PAPPA2: variants seen among roughly 807,000 people sequenced by gnomAD.
PAPPA2 encodes the protein pappalysin 2, also known as pappalysin-2.
In PAPPA2, 86 loss-of-function variants were observed where a neutral mutation model predicts 176.4. That is an observed-to-expected ratio of 0.49 (90% CI 0.41 to 0.58). The LOEUF (loss-of-function observed/expected upper bound fraction) is 0.58. PAPPA2 is among the 20% of genes least tolerant of loss of function. The pLI is 0.00. For missense variants in PAPPA2, 2,073 were observed against 2,256.9 expected (o/e 0.92, Z 1.65); for synonymous variants, 809 against 852.2 (o/e 0.95, Z 0.88).
rs978625300 is a variant in PAPPA2 at position 176,577,768 on chromosome 1, C to T, written c.920-16756C>T. On this transcript the variant is annotated intron_variant, in intron 2 of 22. Coordinates refer to ENST00000367662, the MANE Select transcript of PAPPA2 (RefSeq NM_020318.3). ...GAAGGCTGCACGTACATGTGTGGGA[C>T]GGCTACAGGCATAACATCCTGAGAG... 4.6e-5 allele frequency among the ~76,000 whole-genome samples: 7 copies of T among 152,126 alleles called. No homozygotes were observed. The South Asian group carries it at 6.2e-4, about 14-fold the overall frequency.
intron 17 of PAPPA2, among the ~76,000 whole-genome samples, chr1:176,773,642 A>G (rs1664328931): frequency 6.6e-6 from 1 of 152,216 alleles, no homozygotes; most frequent in Non-Finnish European, 1.5e-5. Flanking sequence ...TTTCTATCCA[A>G]CAATGTTGTT....
intron 1 of PAPPA2, among the ~76,000 whole-genome samples, chr1:176,549,524 C>T (rs147939674): frequency 7.3e-4 from 111 of 152,318 alleles, no homozygotes; most frequent in African/African-American, 2.6e-3. Context: ...ACTTGCCCAA[C>T]GTCAGGCAGC....
chr1:176,513,635 C>T (rs1648744744), intron 1 of PAPPA2, among the ~76,000 whole-genome samples: 1 of 152,152 alleles, frequency 6.6e-6, no homozygotes, highest in Admixed American at 6.6e-5. Context: ...TCTCTCATTC[C>T]ACAAATTTTT....
intron 3 of PAPPA2, among the ~76,000 whole-genome samples, chr1:176,656,196 G>A (rs928766828): frequency 6.6e-6 from 1 of 151,714 alleles, no homozygotes; most frequent in African/African-American, 2.4e-5. Flanking sequence ...TATTAATGCT[G>A]GAGATGAACT....
In PAPPA2 at chr1:176,695,859, G is replaced by T. The variant is rs1428656331; in HGVS notation, c.2746G>T (p.Gly916Trp). The change falls in exon 7 of 23, where the codon GGG becomes TGG. Residue 916 changes from glycine to tryptophan, a missense_variant and splice_region_variant. Gly to Trp is a radical substitution (Grantham distance 184). Coordinates refer to ENST00000367662, the MANE Select transcript of PAPPA2 (RefSeq NM_020318.3). ...SGYWTPEEAVGPPDVDQPCEP... is the reference protein window; with the variant it reads ...SGYWTPEEAVWPPDVDQPCEP... ...TTATTGGACCCCAGAGGAGGCTGTGGGTAAAGTACCATGACATTTTTTCTT... is the reference window on the plus strand; with the variant it reads ...TTATTGGACCCCAGAGGAGGCTGTGTGTAAAGTACCATGACATTTTTTCTT... 6.2e-7 allele frequency: 1 copy of T among 1,613,692 alleles called. No homozygotes were observed. Among genetic ancestry groups the T allele is most frequent in the Admixed American group, 1.7e-5 (1 of 59,996 alleles).
chr1:176,528,754 G>A (rs1234093224), intron 1 of PAPPA2, among the ~76,000 whole-genome samples: 1 of 152,130 alleles, frequency 6.6e-6, no homozygotes, highest in East Asian at 1.9e-4. Context: ...CAGGTCTACA[G>A]TCCATGATTT....
intron 3 of PAPPA2, among the ~76,000 whole-genome samples, chr1:176,644,610 TAGAG>T (rs1215915048): frequency 4.0e-5 from 6 of 151,742 alleles, no homozygotes; most frequent in Non-Finnish European, 7.4e-5. Context: ...GCACCATAGA[TAGAG>T]AAAGGGCTGG....
rs116072108 is a variant in PAPPA2, at chr1:176,674,989, G to A, written c.2137+3874G>A. On this transcript the variant is annotated intron_variant, in intron 4 of 22. Coordinates refer to ENST00000367662, the MANE Select transcript of PAPPA2 (RefSeq NM_020318.3). ...TTATGGCCTTTCTTGCAGGAGTAAT[G>A]TGGTATCTCATTGTGGTTTTGATAT... is the stretch of plus-strand genomic sequence containing the variant. Among the ~76,000 whole-genome samples, 868 of 152,050 alleles carry A rather than the reference G, an allele frequency of 5.7e-3. 4 individuals are homozygous for A. The highest frequency in any genetic ancestry group is 8.8e-3 in the Non-Finnish European group (598 of 67,952).
intron 5 of PAPPA2, among the ~76,000 whole-genome samples, chr1:176,691,868 C>G (rs974269390): frequency 3.3e-5 from 5 of 152,194 alleles, no homozygotes; most frequent in Non-Finnish European, 7.4e-5. Context: ...CTCAGAGCAA[C>G]CTGAGCTGCC....
At chr1:176,798,768 A>G (rs997710554) in intron 20 of PAPPA2, among the ~76,000 whole-genome samples, 1 of 152,210 alleles carries the variant, frequency 6.6e-6, no homozygotes. Context: ...TTATTTTGAT[A>G]ACCCCTTTTT....
At chr1:176,692,890 G>A (rs914791747) in intron 6 of PAPPA2, among the ~76,000 whole-genome samples, 4 of 152,112 alleles carry the variant, frequency 2.6e-5, no homozygotes, top group African/African-American at 9.7e-5. Context: ...CACTTGACTG[G>A]CAACTACTGG....
intron 1 of PAPPA2, among the ~76,000 whole-genome samples, chr1:176,554,460 G>T (rs943799736): frequency 1.3e-5 from 2 of 152,168 alleles, no homozygotes; most frequent in Non-Finnish European, 2.9e-5. Context: ...GTGTGTATTT[G>T]TGTACACGCA....
At chr1:176,693,654 C>T (rs1174438128) in intron 6 of PAPPA2, among the ~76,000 whole-genome samples, 2 of 152,172 alleles carry the variant, frequency 1.3e-5, no homozygotes, top group Non-Finnish European at 2.9e-5. Context: ...GATACCTGTC[C>T]CTGATACCTT....
chr1:176,809,040 A>G (rs1666029884), intron 21 of PAPPA2, among the ~76,000 whole-genome samples: 2 of 152,172 alleles, frequency 1.3e-5, no homozygotes, highest in Admixed American at 1.3e-4. Flanking sequence ...ACAAGGTTAT[A>G]AAGGGAGGTG....
chr1:176,505,200 G>A (rs1648188970), intron 1 of PAPPA2, among the ~76,000 whole-genome samples: 1 of 152,028 alleles, frequency 6.6e-6, no homozygotes, highest in Non-Finnish European at 1.5e-5. Flanking sequence ...GACATCTGTA[G>A]CATTTTCATT....
intron 1 of PAPPA2, among the ~76,000 whole-genome samples, chr1:176,513,397 A>C (rs1648733549): frequency 6.7e-6 from 1 of 150,268 alleles, no homozygotes; most frequent in South Asian, 2.1e-4. Flanking sequence ...GCTTTTTCCT[A>C]TTTCTTTCTT....
In PAPPA2 at chr1:176,840,186, A is replaced by T. The variant is rs761481238; in HGVS notation, c.5216A>T (p.Asp1739Val). 1 of 1,613,236 alleles carries T rather than the reference A, an allele frequency of 6.2e-7. No individual in the cohort carries two copies. Among genetic ancestry groups the T allele is most frequent in the South Asian group, 1.1e-5 (1 of 91,010 alleles). Residue 1739 changes from aspartate to valine, a missense_variant, in exon 22 of 23, where the codon GAT (aspartate) becomes GTT (valine). Asp to Val is a radical substitution (Grantham distance 152, BLOSUM62 -3). This residue lies in a region of PAPPA2 where 846 missense variants were observed against 857.9 expected (regional missense o/e 0.99). Coordinates refer to ENST00000367662, the MANE Select transcript of PAPPA2 (RefSeq NM_020318.3). ...ACCTCCCTACAGCCCTTCCAAGCAG[A>T]TGGTTGGTGTGACACTATCAACAAC... ...CIQSCEPFQADGWCDTINNRA... is the reference protein window; with the variant it reads ...CIQSCEPFQAVGWCDTINNRA...
At chr1:176,524,414 T>A (rs560546017) in intron 1 of PAPPA2, among the ~76,000 whole-genome samples, 2 of 152,278 alleles carry the variant, frequency 1.3e-5, no homozygotes, top group South Asian at 4.1e-4. Context: ...TTTTAATGAA[T>A]TTTTTTCTTA....
chr1:176,484,254 T>C (rs1375601799), intron 1 of PAPPA2, among the ~76,000 whole-genome samples: 1 of 152,240 alleles, frequency 6.6e-6, no homozygotes, highest in Non-Finnish European at 1.5e-5. Context: ...TTTCCCCCTC[T>C]GGATTCTTTC....
Sources: allele counts gnomAD v4.1 joint callset (sites outside exome capture counted in the v4.1 genomes callset), GRCh38; gene constraint gnomAD v4.1.1; regional missense constraint gnomAD v4.1.1; transcripts MANE v1.5; gene names NCBI Gene and HGNC (gene_info 2026-07-23, HGNC 2026-07-21).